The following GAS7 variants were observed in gnomAD, a reference collection of about 807,000 sequenced individuals.
GAS7 encodes the protein growth arrest-specific protein 7.
A neutral mutation model predicts 71.1 loss-of-function variants in GAS7; 28 were observed. That is an observed-to-expected ratio of 0.39 (90% CI 0.29 to 0.54). The LOEUF is 0.54. Ranked by LOEUF, GAS7 falls within the 20% of genes least tolerant of loss-of-function variation. The pLI, the probability that GAS7 is intolerant of heterozygous loss-of-function variation, is 0.62. For synonymous variants in GAS7, 258 were observed against 245.8 expected (o/e 1.05, Z -0.46); for missense variants, 436 against 627.8 (o/e 0.69, Z 3.27).
chr17:10,021,109 A>G (rs1454363939), intron 1 of GAS7, among the ~76,000 whole-genome samples: 1 of 152,214 alleles, frequency 6.6e-6, no homozygotes, highest in Non-Finnish European at 1.5e-5. Context: ...ATTAGCCCGT[A>G]AGATTGCTGT....
chr17:10,135,302 G>A (rs1002847825), intron 1 of GAS7, among the ~76,000 whole-genome samples: 1 of 152,136 alleles, frequency 6.6e-6, no homozygotes, highest in Non-Finnish European at 1.5e-5. Context: ...TGTGTGTTTT[G>A]GAAAGCTGCT....
chr17:10,126,401 CAAACGT>C (rs2073948428), intron 1 of GAS7, among the ~76,000 whole-genome samples: 1 of 151,452 alleles, frequency 6.6e-6, no homozygotes, highest in Non-Finnish European at 1.5e-5. Context: ...CATGCACACA[CAAACGT>C]GCAAACACGC....
At chr17:10,092,531 T>C (rs1357459824) in intron 1 of GAS7, among the ~76,000 whole-genome samples, 1 of 152,218 alleles carries the variant, frequency 6.6e-6, no homozygotes, top group Non-Finnish European at 1.5e-5. Flanking sequence ...CCAGGGATAT[T>C]TTTTCCCCAA....
At chr17:10,075,004 C>T (rs536515060) in intron 1 of GAS7, among the ~76,000 whole-genome samples, 1 of 151,460 alleles carries the variant, frequency 6.6e-6, no homozygotes, top group Admixed American at 6.6e-5. Flanking sequence ...GGACAAAACT[C>T]GACACTCATT....
intron 2 of GAS7, among the ~76,000 whole-genome samples, chr17:9,995,116 A>C (rs544740547): frequency 2.0e-5 from 3 of 152,332 alleles, no homozygotes; most frequent in Admixed American, 2.0e-4. Flanking sequence ...CTAGGGAGCT[A>C]ACAGGCTGGC....
intron 1 of GAS7, among the ~76,000 whole-genome samples, chr17:10,109,781 C>A (rs1333620499): frequency 6.6e-6 from 1 of 151,966 alleles, no homozygotes; most frequent in African/African-American, 2.4e-5. Flanking sequence ...CAGGGCCAGG[C>A]GCGGTGGTAC....
chr17:9,994,281 T>C (rs967720819), intron 2 of GAS7, among the ~76,000 whole-genome samples: 3 of 150,216 alleles, frequency 2.0e-5, no homozygotes, highest in Non-Finnish European at 3.0e-5. Context: ...CTTCAAACTA[T>C]ACTATAAGGC....
At chr17:10,059,754 C>T in intron 1 of GAS7, 17 of 985,240 alleles carry the variant, frequency 1.7e-5, no homozygotes, top group Non-Finnish European at 2.0e-5. Flanking sequence ...CCACCATCCC[C>T]ACATCCGCTG....
chr17:9,972,762 A>C (rs921246645), intron 3 of GAS7, among the ~76,000 whole-genome samples: 1 of 152,228 alleles, frequency 6.6e-6, no homozygotes, highest in African/African-American at 2.4e-5. Context: ...TAAATATACA[A>C]GATCCCCATC....
intron 1 of GAS7, among the ~76,000 whole-genome samples, chr17:10,169,016 G>A (rs970721126): frequency 3.4e-5 from 5 of 147,140 alleles, no homozygotes; most frequent in Non-Finnish European, 5.9e-5. Flanking sequence ...AGTGGCTCAC[G>A]CCTGTAATCC....
intron 1 of GAS7, among the ~76,000 whole-genome samples, chr17:10,072,372 C>G (rs955104505): frequency 2.6e-5 from 4 of 152,194 alleles, no homozygotes; most frequent in Admixed American, 2.6e-4. Context: ...TTAGTCCACT[C>G]CACAATGTCT....
chr17:10,014,334 G>A (rs2071903985), intron 2 of GAS7, among the ~76,000 whole-genome samples: 1 of 152,058 alleles, frequency 6.6e-6, no homozygotes, highest in South Asian at 2.1e-4. Flanking sequence ...CTCTCATTTA[G>A]TCTGTCGGCC....
At chr17:10,087,099 G>A (rs1025701360) in intron 1 of GAS7, among the ~76,000 whole-genome samples, 1 of 152,216 alleles carries the variant, frequency 6.6e-6, no homozygotes, top group African/African-American at 2.4e-5. Flanking sequence ...CTTGGAAGGT[G>A]GTAAAGCTCT....
At chr17:9,929,165 T>C (rs943859729) in intron 9 of GAS7, among the ~76,000 whole-genome samples, 2 of 152,200 alleles carry the variant, frequency 1.3e-5, no homozygotes, top group African/African-American at 4.8e-5. Context: ...TCCGGGAATC[T>C]GGGAGAGTTA....
chr17:10,117,598 C>T (rs1370750576), intron 1 of GAS7, among the ~76,000 whole-genome samples: 1 of 152,060 alleles, frequency 6.6e-6, no homozygotes, highest in Non-Finnish European at 1.5e-5. Flanking sequence ...GCAATGGGGA[C>T]CCAATTATGT....
At chr17:10,137,832 C>T (rs540158744) in intron 1 of GAS7, among the ~76,000 whole-genome samples, 5 of 152,144 alleles carry the variant, frequency 3.3e-5, no homozygotes, top group East Asian at 3.9e-4. Flanking sequence ...TGAGCTACCG[C>T]GCCAGACCAC....
chr17:9,921,686 G>A (rs971906485), intron 11 of GAS7, among the ~76,000 whole-genome samples: 11 of 152,126 alleles, frequency 7.2e-5, no homozygotes, highest in Admixed American at 1.3e-4. Flanking sequence ...TTGGCCAGGC[G>A]CGGTGCCTCA....
In GAS7 at chr17:9,974,495, A is replaced by G. The variant is rs758469; in HGVS notation, c.386-4733T>C. 0.44 allele frequency among the ~76,000 whole-genome samples: 67,301 copies of G among 151,632 alleles called. 15,403 individuals carry two copies. The highest frequency in any genetic ancestry group is 0.6 in the South Asian group (2,865 of 4,814). ...AAGGATCGCTCATAAAGGGAACATA[A>G]TTCAGTCTGGAGATACAAGGAAAAA... is the stretch of plus-strand genomic sequence containing the variant. On this transcript the variant is annotated intron_variant, in intron 3 of 13. Transcript: ENST00000432992. This position sits in a 1 kb window ranked among gnomAD's most constrained non-coding sequence, Gnocchi z 4.0.
At chr17:10,128,439 A>T (rs1303067537) in intron 1 of GAS7, among the ~76,000 whole-genome samples, 1 of 148,754 alleles carries the variant, frequency 6.7e-6, no homozygotes, top group East Asian at 2.0e-4. Flanking sequence ...TACTTGATAC[A>T]ATCAGTTCTG....
Sources: gnomAD v4.1 joint callset for allele counts (sites outside exome capture counted in the v4.1 genomes callset) on GRCh38, gnomAD v4.1.1 for gene constraint, Gnocchi (gnomAD v3.1) non-coding constraint, MANE v1.5 for transcripts, NCBI Gene and HGNC (gene_info 2026-07-23, HGNC 2026-07-21) for gene names.